The following HYDIN variants were observed in gnomAD, a reference collection of about 807,000 sequenced individuals.
HYDIN encodes HYDIN axonemal central pair apparatus protein.
HYDIN carries 132 observed loss-of-function variants against 403.9 expected under a neutral mutation model. The ratio of observed to expected loss-of-function variants is 0.33; its 90% CI spans 0.28 to 0.38. The LOEUF is 0.38. HYDIN is among the 10% of genes least tolerant of loss of function. The pLI, the probability that HYDIN is intolerant of heterozygous loss-of-function variation, is 1.00. For synonymous variants in HYDIN, 1,202 were observed against 1,891.7 expected (o/e 0.64, Z 9.46); for missense variants, 2,827 against 5,009.5 (o/e 0.56, Z 13.15).
At chr16:70,852,481 G>T (rs1316611445) in intron 73 of HYDIN, among the ~76,000 whole-genome samples, 1 of 124,308 alleles carries the variant, frequency 8.0e-6, no homozygotes, top group African/African-American at 3.3e-5. Flanking sequence ...AAAAGGTTTT[G>T]CTCTGTGAAT....
At position 70,920,648 on chromosome 16, in the gene HYDIN, A is replaced by C. The variant is rs2076965987; in HGVS notation, c.7728T>G (p.Phe2576Leu). The C allele has an allele frequency of 2.5e-6, 4 of 1,613,840 alleles. No individual in the cohort carries two copies. In the African/African-American group the frequency reaches 5.3e-5, roughly 22 times the overall value. The change falls in exon 46 of 86, where the codon TTT becomes TTG. Residue 2576 changes from phenylalanine (F) to leucine (L), a missense_variant. By Grantham distance (22) the Phe-to-Leu change is conservative (BLOSUM62 0). Coordinates refer to ENST00000393567, the MANE Select transcript of HYDIN (RefSeq NM_001270974.2). ...GGGCCTGCTTCCAGCTCAAGCCTTCAAAGTCTGGTGTCTGGATGTCTAGGA... is the reference window on the plus strand; with the variant it reads ...GGGCCTGCTTCCAGCTCAAGCCTTCCAAGTCTGGTGTCTGGATGTCTAGGA... ...VPFLDIQTPD[F>L]EGLSWKQALE... is the part of the protein sequence containing the mutation.
chr16:70,960,780 C>T, intron 38 of HYDIN, among the ~76,000 whole-genome samples: 1 of 152,348 alleles, frequency 6.6e-6, no homozygotes, highest in East Asian at 1.9e-4. Flanking sequence ...CAACCTCCGC[C>T]TCCCGGGTTC....
At chr16:71,067,500 A>G in intron 14 of HYDIN, 110 bp from the exon 15 acceptor site, 1 of 583,084 alleles carries the variant, frequency 1.7e-6, no homozygotes, top group South Asian at 2.0e-5. Flanking sequence ...TAAGTGCTTT[A>G]TGGATATATA....
At chr16:71,184,159 A>T (rs928937250) in intron 3 of HYDIN, among the ~76,000 whole-genome samples, 2 of 152,166 alleles carry the variant, frequency 1.3e-5, no homozygotes, top group South Asian at 2.1e-4. Flanking sequence ...CTCATTCTTC[A>T]TGAGGAACAT....
rs1480590904 is a variant in HYDIN at position 70,883,954 on chromosome 16, A to G, written c.9945T>C (p.Ile3315=). ...AGGCTTCAGCTAGCAAAGTGTAAAGAATGCCGGCAGGGTGGACTGCAGGGT... is the reference window on the plus strand; with the variant it reads ...AGGCTTCAGCTAGCAAAGTGTAAAGGATGCCGGCAGGGTGGACTGCAGGGT... ...GRDPAVHPAG[I]LYTLLAEACL... is the part of the protein sequence containing the mutation. Residue 3315 remains isoleucine (I), a synonymous_variant, in exon 59 of 86, where the codon ATT becomes ATC. Coordinates refer to ENST00000393567, the MANE Select transcript of HYDIN (RefSeq NM_001270974.2). The G allele has an allele frequency of 6.2e-7, 1 of 1,613,910 alleles. No individual in the cohort carries two copies. The highest frequency in any genetic ancestry group is 8.5e-7 in the Non-Finnish European group (1 of 1,180,018).
chr16:71,038,153 G>GC (rs1278033471), intron 18 of HYDIN, among the ~76,000 whole-genome samples: 1 of 152,260 alleles, frequency 6.6e-6, no homozygotes, highest in African/African-American at 2.4e-5. Flanking sequence ...ATATGACTGT[G>GC]CGAAAGATGG....
intron 44 of HYDIN, among the ~76,000 whole-genome samples, chr16:70,937,699 T>C (rs1229258184): frequency 1.5e-5 from 2 of 136,422 alleles, no homozygotes; most frequent in African/African-American, 2.7e-5. Flanking sequence ...GATTAGGACA[T>C]ACTGTAGCAG....
chr16:71,054,729 T>C (rs2081811253), intron 18 of HYDIN, among the ~76,000 whole-genome samples: 1 of 151,124 alleles, frequency 6.6e-6, no homozygotes, highest in African/African-American at 2.4e-5. Context: ...AATTTCTTTC[T>C]GTTTGTCTAT....
At chr16:71,003,718 G>C (rs1597512892) in intron 23 of HYDIN, among the ~76,000 whole-genome samples, 1 of 151,426 alleles carries the variant, frequency 6.6e-6, no homozygotes, top group Non-Finnish European at 1.5e-5. Flanking sequence ...AGAATTGCTA[G>C]AACCCAGGAG....
intron 84 of HYDIN, among the ~76,000 whole-genome samples, chr16:70,810,722 C>T (rs999635929): frequency 4.6e-5 from 7 of 152,012 alleles, no homozygotes; most frequent in African/African-American, 1.2e-4. Flanking sequence ...CCCAGCTACT[C>T]GGGAGGCTGA....
chr16:70,839,825 G>A (rs951950124), intron 76 of HYDIN, among the ~76,000 whole-genome samples: 3 of 140,290 alleles, frequency 2.1e-5, no homozygotes, highest in African/African-American at 8.0e-5. Context: ...CTCTCATTAG[G>A]TCCTTTGGCA....
chr16:70,841,258 A>C, intron 75 of HYDIN, among the ~76,000 whole-genome samples: 1 of 152,158 alleles, frequency 6.6e-6, no homozygotes, highest in Non-Finnish European at 1.5e-5. Flanking sequence ...GACTGATTCA[A>C]TGAAAAGGAT....
chr16:70,871,677 T>C lies in HYDIN; in HGVS notation c.11091+360A>G, dbSNP rs537128243. ...AACCCATCACCCCCATTCTAGCTTT[T>C]GGTGAAGCATTTTGAAGGACTGATA... On this transcript the variant is annotated intron_variant, in intron 65 of 85. Coordinates refer to ENST00000393567, the MANE Select transcript of HYDIN (RefSeq NM_001270974.2). 3.4e-5 allele frequency among the ~76,000 whole-genome samples: 5 copies of C among 149,020 alleles called. No individual in the cohort carries two copies. In the East Asian group the frequency reaches 9.7e-4, roughly 29 times the overall value.
At chr16:70,853,426 T>A (rs1026642246) in intron 73 of HYDIN, among the ~76,000 whole-genome samples, 1 of 149,792 alleles carries the variant, frequency 6.7e-6, no homozygotes. Flanking sequence ...TATAGTAGCT[T>A]TATTCATAAC....
At chr16:70,892,565 T>C (rs2041534484) in intron 55 of HYDIN, 36 bp from the exon 56 acceptor site, 5 of 1,585,442 alleles carry the variant, frequency 3.2e-6, no homozygotes, top group Non-Finnish European at 4.3e-6. Flanking sequence ...CCTAGGTCAT[T>C]ATCCCGGGAA....
At chr16:70,822,138 C>G (rs1169245519) in intron 83 of HYDIN, among the ~76,000 whole-genome samples, 1 of 151,674 alleles carries the variant, frequency 6.6e-6, no homozygotes, top group African/African-American at 2.4e-5. Flanking sequence ...TCTGATGGGT[C>G]TGGGCAAGGT....
intron 45 of HYDIN, among the ~76,000 whole-genome samples, chr16:70,934,002 G>A (rs1168657057): frequency 8.5e-5 from 13 of 152,136 alleles, no homozygotes; most frequent in Admixed American, 3.3e-4. Context: ...GGATGGAGGC[G>A]GGTCCAGAAA....
At chr16:70,998,171 T>G (rs1039646950) in intron 23 of HYDIN, among the ~76,000 whole-genome samples, 6 of 152,244 alleles carry the variant, frequency 3.9e-5, no homozygotes, top group Non-Finnish European at 8.8e-5. Flanking sequence ...ATATACAGAT[T>G]GGTTTTATTC....
At chr16:70,892,879 C>T (rs1004561029) in intron 55 of HYDIN, among the ~76,000 whole-genome samples, 5 of 152,188 alleles carry the variant, frequency 3.3e-5, no homozygotes, top group African/African-American at 7.2e-5. Context: ...ACATGCAGAG[C>T]GAACAGTGAC....
Sources: allele counts gnomAD v4.1 joint callset (sites outside exome capture counted in the v4.1 genomes callset), GRCh38; gene constraint gnomAD v4.1.1; transcripts MANE v1.5; gene names NCBI Gene and HGNC (gene_info 2026-07-23, HGNC 2026-07-21).